KRR1: variants seen among roughly 807,000 people sequenced by gnomAD.
KRR1 encodes KRR1 small subunit processome component homolog.
In KRR1, 23 loss-of-function variants were observed where a neutral mutation model predicts 50.0. The observed-to-expected ratio is 0.46, with a 90% confidence interval of 0.33 to 0.65. KRR1 has a LOEUF of 0.65. Among genes scored for constraint, KRR1 ranks in the 30% least tolerant of loss-of-function variants. The pLI is 0.02. For missense variants in KRR1, 419 were observed against 442.4 expected, an observed-to-expected ratio of 0.95 and a Z score of 0.47; for synonymous variants, 133 against 146.3, an observed-to-expected ratio of 0.91 and a Z score of 0.66.
intron 7 of KRR1, 41 bp from the exon 8 acceptor site, chr12:75,502,041 A>G (rs1566103924): frequency 6.6e-7 from 1 of 1,510,010 alleles, no homozygotes; most frequent in Non-Finnish European, 9.2e-7. Context: ...GAAATAATGT[A>G]GAGGAGAAGT....
rs1454314257 is a variant in KRR1, at chr12:75,492,002, ACTTAATAT to A, written c.*7799_*7806del. On this transcript the variant is annotated 3_prime_UTR_variant, in exon 10 of 10. Transcript: ENST00000229214. ...CGTCATTCTGAAGATGACAGCTTTG[ACTTAATAT>A]CTTAAGAGTTGGAAAATAAAGAAAA... The A allele has an allele frequency of 6.6e-6, 1 of 152,086 alleles. No homozygotes were observed. The highest frequency in any genetic ancestry group is 1.9e-4 in the East Asian group (1 of 5,182). 9.4% of individuals were successfully genotyped at this position (152,086 alleles called of 1,614,324 possible). A position where few individuals can be genotyped will look rare whatever the true frequency, so the allele number is the denominator to read the frequency against.
intron 7 of KRR1, 161 bp downstream of exon 7, chr12:75,503,743 T>G: frequency 1.7e-6 from 1 of 580,376 alleles, no homozygotes; most frequent in Non-Finnish European, 2.9e-6. Flanking sequence ...CAGCTCAAAA[T>G]ATGCCTATTT....
intron 9 of KRR1, chr12:75,501,369 C>A: frequency 5.3e-6 from 1 of 188,334 alleles, no homozygotes; most frequent in Non-Finnish European, 1.1e-5. Flanking sequence ...AAAAGTACAA[C>A]TTCTGATAAT....
At chr12:75,500,528 T>G (rs941765348) in intron 9 of KRR1, 1 of 151,986 alleles carries the variant, frequency 6.6e-6, no homozygotes, top group African/African-American at 2.4e-5. Flanking sequence ...TCATTGAATA[T>G]TAATTCAATG....
intron 1 of KRR1, among the ~76,000 whole-genome samples, chr12:75,510,735 T>C (rs1005195089): frequency 2.0e-5 from 3 of 152,320 alleles, no homozygotes; most frequent in Middle Eastern, 3.4e-3. Flanking sequence ...GTTTCCCGCA[T>C]GGTTTTATTA....
intron 7 of KRR1, 117 bp downstream of exon 7, chr12:75,503,787 C>T: frequency 1.1e-6 from 1 of 926,202 alleles, no homozygotes; most frequent in Non-Finnish European, 1.6e-6. Flanking sequence ...GCTCTGCACA[C>T]ACACACACAA....
chr12:75,505,932 T>C (rs1180469010), intron 5 of KRR1, among the ~76,000 whole-genome samples: 1 of 152,162 alleles, frequency 6.6e-6, no homozygotes, highest in African/African-American at 2.4e-5. Flanking sequence ...GTGTGACCTC[T>C]ACTGGCTGTA....
Position 75,495,704 on chromosome 12 carries a change from T to A in KRR1, c.*4105A>T. On this transcript the variant is annotated 3_prime_UTR_variant, in exon 10 of 10. Coordinates refer to ENST00000229214, the MANE Select transcript of KRR1 (RefSeq NM_007043.7). ...ATACACCAATAGAATAACATAATAG[T>A]AACATGTAACTTTCTACAGAATTAA... 1 of 1,073,908 alleles carries A rather than the reference T, an allele frequency of 9.3e-7. No individual in the cohort carries two copies. Among genetic ancestry groups the A allele is most frequent in the Non-Finnish European group, 1.4e-6 (1 of 699,682 alleles). The allele number at this position is 1,073,908 out of a possible 1,614,324, so 66.5% of individuals were successfully genotyped here.
Position 75,497,469 on chromosome 12 carries a change from T to C in KRR1, c.*2340A>G, listed in dbSNP as rs1045281527. 6.6e-6 allele frequency: 1 copy of C among 152,208 alleles called. No individual in the cohort carries two copies. Among genetic ancestry groups the C allele is most frequent in the Admixed American group, 6.5e-5 (1 of 15,268 alleles). 9.4% of individuals were successfully genotyped at this position (152,208 alleles called of 1,614,324 possible). A position where few individuals can be genotyped will look rare whatever the true frequency, so the allele number is the denominator to read the frequency against. On this transcript the variant is annotated 3_prime_UTR_variant, in exon 10 of 10. Transcript: ENST00000229214. ...CTCAACATCTTACAGATTGATCTTG[T>C]CACTAATTTCCTATTCTCAGAGCTA...
chr12:75,493,088 A>ATT lies in KRR1; in HGVS notation c.*6720_*6721insAA, dbSNP rs2046332340. On this transcript the variant is annotated 3_prime_UTR_variant, in exon 10 of 10. Coordinates refer to ENST00000229214, the MANE Select transcript of KRR1 (RefSeq NM_007043.7). ...CAGAGACTGGTGCCCTCGGTCTGCT[A>ATT]AACAGATGAAACGGGGGGAGGAAGG... The ATT allele has an allele frequency of 6.6e-6, 1 of 152,162 alleles. No individual in the cohort carries two copies. Among genetic ancestry groups the ATT allele is most frequent in the Non-Finnish European group, 1.5e-5 (1 of 68,026 alleles). The allele number at this position is 152,162 out of a possible 1,614,324, so 9.4% of individuals were successfully genotyped here.
intron 2 of KRR1, among the ~76,000 whole-genome samples, chr12:75,507,134 T>A (rs187012290): frequency 6.6e-6 from 1 of 152,306 alleles, no homozygotes; most frequent in African/African-American, 2.4e-5. Flanking sequence ...CCATTTACCC[T>A]TGGTTTTAGA....
At position 75,499,020 on chromosome 12, in the gene KRR1, A is replaced by G. The variant is rs2046371314; in HGVS notation, c.*789T>C. Reference sequence around the variant, plus strand: ...AAAAACCCAAAAACCAACCTCATTCACATATGGCTTTTTTTTTAACCAATA... The same window carrying G: ...AAAAACCCAAAAACCAACCTCATTCGCATATGGCTTTTTTTTTAACCAATA... On this transcript the variant is annotated 3_prime_UTR_variant, in exon 10 of 10. Transcript: ENST00000229214. 2 of 1,382,550 alleles carry G rather than the reference A, an allele frequency of 1.4e-6. No individual in the cohort carries two copies. Among genetic ancestry groups the G allele is most frequent in the Admixed American group, 5.0e-5 (2 of 39,968 alleles). 85.6% of individuals were successfully genotyped at this position (1,382,550 alleles called of 1,614,324 possible).
intron 5 of KRR1, among the ~76,000 whole-genome samples, chr12:75,505,529 TG>T (rs1166379776): frequency 6.6e-6 from 1 of 152,068 alleles, no homozygotes; most frequent in African/African-American, 2.4e-5. Context: ...GGAAGAGGGC[TG>T]GAATACAAGG....
At position 75,506,807 on chromosome 12, in the gene KRR1, A is replaced by G; in HGVS notation, c.368T>C (p.Leu123Ser). Residue 123 changes from leucine (L) to serine (S), a missense_variant, in exon 3 of 10, where the codon TTA becomes TCA. Transcript: ENST00000229214. ...IIRARDLIKL[L>S]ARSVSFEQAV... ...CTGTTCAAATGAAACACTCCTTGCT[A>G]ACAGTTTTATCAGATCTCTGGCCCT... The G allele has an allele frequency of 6.2e-7, 1 of 1,611,504 alleles. No individual in the cohort carries two copies. Among genetic ancestry groups the G allele is most frequent in the South Asian group, 1.1e-5 (1 of 90,458 alleles).
rs773355563 is a variant in KRR1 at position 75,496,633 on chromosome 12, C to G, written c.*3176G>C. 1 of 152,116 alleles carries G rather than the reference C, an allele frequency of 6.6e-6. No individual in the cohort carries two copies. The highest frequency in any genetic ancestry group is 1.5e-5 in the Non-Finnish European group (1 of 68,020). The allele number at this position is 152,116 out of a possible 1,614,324, so 9.4% of individuals were successfully genotyped here. On this transcript the variant is annotated 3_prime_UTR_variant, in exon 10 of 10. Coordinates refer to ENST00000229214, the MANE Select transcript of KRR1 (RefSeq NM_007043.7). ...AGCTGTGCAAAGCCTGTGGTACTTT[C>G]GTGTCCATATTTGTAACAAACTGAA...
chr12:75,492,208 C>T lies in KRR1; in HGVS notation c.*7601G>A, dbSNP rs1271765403. 2 of 151,912 alleles carry T rather than the reference C, an allele frequency of 1.3e-5. No individual in the cohort carries two copies. The highest frequency in any genetic ancestry group is 1.3e-4 in the Admixed American group (2 of 15,224). The allele number at this position is 151,912 out of a possible 1,614,324, so 9.4% of individuals were successfully genotyped here. A position where few individuals can be genotyped will look rare whatever the true frequency, so the allele number is the denominator to read the frequency against. Reference sequence around the variant, plus strand: ...GGCTCAAGCAATCCTCCCAACTCAGCCTTCCTAGTACCTGAGACTACAGGC... The same window carrying T: ...GGCTCAAGCAATCCTCCCAACTCAGTCTTCCTAGTACCTGAGACTACAGGC... On this transcript the variant is annotated 3_prime_UTR_variant, in exon 10 of 10. Coordinates refer to ENST00000229214, the MANE Select transcript of KRR1 (RefSeq NM_007043.7).
intron 9 of KRR1, chr12:75,500,602 A>ACTCT (rs1164725100): frequency 1.2e-4 from 18 of 152,038 alleles, no homozygotes; most frequent in Non-Finnish European, 2.5e-4. Context: ...GGTAATAAAG[A>ACTCT]CAATAATTTG....
chr12:75,510,432 A>T (rs2046441954), intron 1 of KRR1, among the ~76,000 whole-genome samples: 1 of 152,250 alleles, frequency 6.6e-6, no homozygotes, highest in Admixed American at 6.5e-5. Flanking sequence ...TCATACAAGG[A>T]AACACCACAT....
chr12:75,508,390 CTT>C lies in KRR1; in HGVS notation c.140_141del (p.Lys47ArgfsTer38). The C allele has an allele frequency of 1.2e-6, 2 of 1,613,030 alleles. No homozygotes were observed. ...PDGWKEPAFS[K>X]EDNPRGLLEE... is the part of the protein sequence containing the mutation. ...TCCAAAAGTCCTCTGGGATTGTCCT[CTT>C]TGGAAAAAGCTGGTTCCTTCCAACC... is the stretch of plus-strand genomic sequence containing the variant. On this transcript the variant is annotated frameshift_variant, in exon 2 of 10. Coordinates refer to ENST00000229214, the MANE Select transcript of KRR1 (RefSeq NM_007043.7). LOFTEE classifies it high-confidence loss of function.
Sources: allele counts gnomAD v4.1 joint callset (sites outside exome capture counted in the v4.1 genomes callset), GRCh38; gene constraint gnomAD v4.1.1; transcripts MANE v1.5; gene names NCBI Gene and HGNC (gene_info 2026-07-23, HGNC 2026-07-21).